Variants in UNC5D observed in about 807,000 individuals in gnomAD.
UNC5D encodes the protein netrin receptor UNC5D.
A neutral mutation model predicts 105.4 loss-of-function variants in UNC5D; 39 were observed. The observed-to-expected ratio is 0.37, with a 90% CI of 0.29 to 0.48. UNC5D has a LOEUF of 0.48. UNC5D is among the 20% of genes least tolerant of loss of function. UNC5D has a pLI of 0.98. For synonymous variants in UNC5D, 452 were observed against 450.4 expected, an observed-to-expected ratio of 1.00 and a Z score of -0.04; for missense variants, 991 against 1,202.4, an observed-to-expected ratio of 0.82 and a Z score of 2.60.
At chr8:35,438,853 C>A (rs1807206525) in intron 1 of UNC5D, among the ~76,000 whole-genome samples, 1 of 152,044 alleles carries the variant, frequency 6.6e-6, no homozygotes, top group Non-Finnish European at 1.5e-5. Context: ...GCCCATTTAG[C>A]AAAATTAGGA....
intron 8 of UNC5D, among the ~76,000 whole-genome samples, chr8:35,712,430 G>A (rs73584829): frequency 0.033 from 5,006 of 152,246 alleles, 273 homozygotes; most frequent in African/African-American, 0.11. Context: ...AAGAAGATAA[G>A]TGATTTGAGA....
intron 1 of UNC5D, among the ~76,000 whole-genome samples, chr8:35,271,661 T>TATACATATATATGTATACATG (rs1563267844): frequency 3.0e-4 from 36 of 122,034 alleles, no homozygotes; most frequent in African/African-American, 1.1e-3. Context: ...ATACCTATAT[T>TATACATATATATGTATACATG]TATACAGGTA....
intron 1 of UNC5D, among the ~76,000 whole-genome samples, chr8:35,405,406 G>A (rs1441020249): frequency 6.6e-6 from 1 of 152,148 alleles, no homozygotes; most frequent in Non-Finnish European, 1.5e-5. Context: ...AGTTACTTCT[G>A]GATTTAAGCT....
chr8:35,519,821 G>A (rs943234614), intron 1 of UNC5D, among the ~76,000 whole-genome samples: 4 of 151,934 alleles, frequency 2.6e-5, no homozygotes, highest in African/African-American at 9.7e-5. Context: ...GAAAAAAAAA[G>A]TTCAACATCC....
At chr8:35,515,264 A>C (rs541081532) in intron 1 of UNC5D, among the ~76,000 whole-genome samples, 1 of 152,240 alleles carries the variant, frequency 6.6e-6, no homozygotes, top group Non-Finnish European at 1.5e-5. Flanking sequence ...AAACAGCATT[A>C]GTGCATGGGT....
chr8:35,456,900 G>T (rs1449297117), intron 1 of UNC5D, among the ~76,000 whole-genome samples: 2 of 152,170 alleles, frequency 1.3e-5, no homozygotes, highest in African/African-American at 2.4e-5. Flanking sequence ...AAGATCACAT[G>T]CACTAAACAT....
intron 1 of UNC5D, among the ~76,000 whole-genome samples, chr8:35,487,105 G>A (rs970646020): frequency 9.9e-5 from 15 of 152,118 alleles, no homozygotes; most frequent in South Asian, 8.3e-4. Context: ...TACTTACGAG[G>A]AAAAAATCCT....
At chr8:35,439,162 A>C (rs552697087) in intron 1 of UNC5D, among the ~76,000 whole-genome samples, 1 of 152,026 alleles carries the variant, frequency 6.6e-6, no homozygotes, top group Non-Finnish European at 1.5e-5. Flanking sequence ...AAAGTACTTA[A>C]AATAGTGCCT....
At chr8:35,352,889 A>G (rs1163923090) in intron 1 of UNC5D, among the ~76,000 whole-genome samples, 1 of 152,174 alleles carries the variant, frequency 6.6e-6, no homozygotes, top group East Asian at 1.9e-4. Flanking sequence ...CTGCAATTAC[A>G]GGCGTGAGCC....
chr8:35,781,460 G>A (rs1375839817), intron 16 of UNC5D, among the ~76,000 whole-genome samples: 1 of 152,088 alleles, frequency 6.6e-6, no homozygotes, highest in Non-Finnish European at 1.5e-5. Flanking sequence ...AGGTTTTGAA[G>A]GAATAGATTT....
At chr8:35,451,026 AT>A (rs1808112148) in intron 1 of UNC5D, among the ~76,000 whole-genome samples, 1 of 145,986 alleles carries the variant, frequency 6.8e-6, no homozygotes, top group South Asian at 2.2e-4. Context: ...ATCGAGGAGC[AT>A]CTATAATAAT....
At chr8:35,771,452 T>C (rs1490805358) in intron 15 of UNC5D, among the ~76,000 whole-genome samples, 1 of 152,238 alleles carries the variant, frequency 6.6e-6, no homozygotes, top group Non-Finnish European at 1.5e-5. Context: ...GTTTCTATCA[T>C]AGTCTTAAGT....
intron 1 of UNC5D, among the ~76,000 whole-genome samples, chr8:35,437,439 G>A (rs977046419): frequency 6.6e-6 from 1 of 151,990 alleles, no homozygotes; most frequent in African/African-American, 2.4e-5. Flanking sequence ...AGATAAACAG[G>A]TCTTCCCCAT....
At chr8:35,379,374 G>A (rs1802888435) in intron 1 of UNC5D, among the ~76,000 whole-genome samples, 1 of 152,170 alleles carries the variant, frequency 6.6e-6, no homozygotes, top group Non-Finnish European at 1.5e-5. Flanking sequence ...TGCCACAGCA[G>A]CTGCTCCTGA....
chr8:35,371,584 T>A (rs1802431975), intron 1 of UNC5D, among the ~76,000 whole-genome samples: 1 of 152,162 alleles, frequency 6.6e-6, no homozygotes, highest in Non-Finnish European at 1.5e-5. Context: ...GACCTATTTT[T>A]TTCCTGATTT....
intron 2 of UNC5D, among the ~76,000 whole-genome samples, chr8:35,562,379 A>T (rs1817025935): frequency 6.6e-6 from 1 of 152,008 alleles, no homozygotes; most frequent in Non-Finnish European, 1.5e-5. Context: ...CATATGGAAG[A>T]TATATTTTTA....
At chr8:35,251,255 A>G (rs1417126639) in intron 1 of UNC5D, among the ~76,000 whole-genome samples, 3 of 152,144 alleles carry the variant, frequency 2.0e-5, no homozygotes, top group African/African-American at 4.8e-5. Flanking sequence ...GAAACTTATA[A>G]TTATGGCAGA....
chr8:35,250,615 C>G (rs1052259500), intron 1 of UNC5D, among the ~76,000 whole-genome samples: 5 of 152,202 alleles, frequency 3.3e-5, no homozygotes, highest in African/African-American at 1.2e-4. Context: ...CTGCCTCAGC[C>G]TCCCGAGTAG....
chr8:35,685,637 C>G (rs1275301771), intron 6 of UNC5D, among the ~76,000 whole-genome samples: 1 of 152,176 alleles, frequency 6.6e-6, no homozygotes, highest in Non-Finnish European at 1.5e-5. Context: ...GTGCCAGGTA[C>G]TGTGCAGGAT....
Sources: allele counts gnomAD v4.1 joint callset (sites outside exome capture counted in the v4.1 genomes callset), GRCh38; gene constraint gnomAD v4.1.1; transcripts MANE v1.5; gene names NCBI Gene and HGNC (gene_info 2026-07-23, HGNC 2026-07-21).